The following PTPRN2 variants were observed in gnomAD, a reference collection of about 807,000 sequenced individuals.
PTPRN2 encodes the protein protein tyrosine phosphatase receptor type N2.
PTPRN2 carries 74 observed loss-of-function variants against 118.8 expected under a neutral mutation model. The ratio of observed to expected loss-of-function variants is 0.62; its 90% CI spans 0.52 to 0.76. The LOEUF is 0.76. Ranked by LOEUF, PTPRN2 falls within the 30% of genes least tolerant of loss-of-function variation. The pLI is 0.00. For synonymous variants in PTPRN2, 641 were observed against 608.0 expected, an observed-to-expected ratio of 1.05 and a Z score of -0.80; for missense variants, 1,481 against 1,394.4, an observed-to-expected ratio of 1.06 and a Z score of -0.99.
At chr7:157,812,729 C>T (rs997997461) in intron 12 of PTPRN2, among the ~76,000 whole-genome samples, 5 of 152,060 alleles carry the variant, frequency 3.3e-5, no homozygotes, top group South Asian at 2.1e-4. Context: ...TTCCATTTAA[C>T]GTATAGCCAA....
chr7:158,135,118 G>A (rs994221275), intron 8 of PTPRN2, among the ~76,000 whole-genome samples: 1 of 152,166 alleles, frequency 6.6e-6, no homozygotes, highest in Admixed American at 6.5e-5. Flanking sequence ...CTACTTGGCA[G>A]GGTTTTTTTC....
rs540582658 is a variant in PTPRN2 at position 157,764,978 on chromosome 7, C to T, written c.1789-82041G>A. Among the ~76,000 whole-genome samples the T allele has an allele frequency of 6.7e-6, 1 of 149,996 alleles. No individual in the cohort carries two copies. The highest frequency in any genetic ancestry group is 2.0e-4 in the East Asian group (1 of 4,946). The stretch of plus-strand genomic sequence containing the variant: ...ATCCACCCACCCACCCATCCATCTA[C>T]CCATCCACTTTCATCCATCCAACCA... On this transcript the variant is annotated intron_variant, in intron 12 of 22. Coordinates refer to ENST00000389418, the MANE Select transcript of PTPRN2 (RefSeq NM_002847.5). The surrounding 1 kb of genome is among the most constrained non-coding windows in gnomAD (Gnocchi z 4.5).
At chr7:158,051,930 G>A (rs1420409291) in intron 11 of PTPRN2, among the ~76,000 whole-genome samples, 1 of 152,218 alleles carries the variant, frequency 6.6e-6, no homozygotes, top group Non-Finnish European at 1.5e-5. Flanking sequence ...AGAGAGCGAG[G>A]AAGAGGGAAA....
At chr7:158,308,314 T>G (rs1801449025) in intron 3 of PTPRN2, among the ~76,000 whole-genome samples, 1 of 152,154 alleles carries the variant, frequency 6.6e-6, no homozygotes, top group Non-Finnish European at 1.5e-5. Context: ...CAAAGAGAAT[T>G]TTTTCCAACA....
chr7:158,117,161 AAAAG>A (rs1816794655), intron 9 of PTPRN2, among the ~76,000 whole-genome samples: 1 of 152,126 alleles, frequency 6.6e-6, no homozygotes, highest in South Asian at 2.1e-4. Flanking sequence ...CTTGAAGAAC[AAAAG>A]AAAGATGTAA....
intron 15 of PTPRN2, among the ~76,000 whole-genome samples, chr7:157,614,733 AG>A (rs976313706): frequency 1.3e-5 from 2 of 152,006 alleles, no homozygotes; most frequent in African/African-American, 4.8e-5. Flanking sequence ...TGAGGTCCTG[AG>A]GGGGGGCCTA....
intron 2 of PTPRN2, among the ~76,000 whole-genome samples, chr7:158,483,632 A>G (rs1159824478): frequency 6.6e-6 from 1 of 152,158 alleles, no homozygotes; most frequent in Non-Finnish European, 1.5e-5. Context: ...ATTTTCAACC[A>G]TCTTGTTTTG....
intron 12 of PTPRN2, among the ~76,000 whole-genome samples, chr7:157,851,167 C>G (rs1002163840): frequency 4.6e-5 from 7 of 152,212 alleles, no homozygotes; most frequent in Non-Finnish European, 1.0e-4. Flanking sequence ...AAAAAGGGTT[C>G]TCTAACGAGG....
chr7:157,601,406 C>A (rs1292365246), intron 16 of PTPRN2, among the ~76,000 whole-genome samples: 1 of 151,948 alleles, frequency 6.6e-6, no homozygotes, highest in African/African-American at 2.4e-5. Flanking sequence ...AAAGAAGAGG[C>A]ACCATCGATT....
intron 3 of PTPRN2, among the ~76,000 whole-genome samples, chr7:158,256,488 G>A (rs1797029652): frequency 6.6e-6 from 1 of 152,160 alleles, no homozygotes; most frequent in African/African-American, 2.4e-5. Flanking sequence ...TGGACCATTG[G>A]CAGTTTTAGA....
At chr7:158,475,507 A>G (rs1433802500) in intron 2 of PTPRN2, among the ~76,000 whole-genome samples, 2 of 152,014 alleles carry the variant, frequency 1.3e-5, no homozygotes, top group Non-Finnish European at 2.9e-5. Context: ...ATCACCAAGG[A>G]CGGGCCCACT....
At chr7:157,786,815 A>C (rs1420923798) in intron 12 of PTPRN2, among the ~76,000 whole-genome samples, 1 of 152,258 alleles carries the variant, frequency 6.6e-6, no homozygotes, top group Non-Finnish European at 1.5e-5. Context: ...TTTCATCATC[A>C]GGTGGGTGGC....
intron 12 of PTPRN2, among the ~76,000 whole-genome samples, chr7:157,730,890 T>C (rs1799858703): frequency 6.6e-6 from 1 of 152,130 alleles, no homozygotes; most frequent in Admixed American, 6.5e-5. Context: ...CCGCTTGTTC[T>C]CTCTCTCATT....
intron 1 of PTPRN2, among the ~76,000 whole-genome samples, chr7:158,573,945 A>C (rs1563448860): frequency 6.6e-6 from 1 of 152,214 alleles, no homozygotes; most frequent in Non-Finnish European, 1.5e-5. Flanking sequence ...AACTATACGT[A>C]ATCCAGAGAT....
At chr7:158,136,837 A>G in intron 7 of PTPRN2, 142 bp from the exon 8 acceptor site, 3 of 757,878 alleles carry the variant, frequency 4.0e-6, no homozygotes, top group Non-Finnish European at 6.7e-6. Context: ...GCCATAGAGT[A>G]AACCTTTTCT....
At chr7:158,172,796 C>A (rs761510120) in intron 5 of PTPRN2, among the ~76,000 whole-genome samples, 1 of 148,914 alleles carries the variant, frequency 6.7e-6, no homozygotes, top group African/African-American at 2.5e-5. Flanking sequence ...CCATCATCAT[C>A]TTCACCATCA....
chr7:158,398,619 G>C (rs1812709626), intron 2 of PTPRN2, among the ~76,000 whole-genome samples: 1 of 152,154 alleles, frequency 6.6e-6, no homozygotes, highest in Non-Finnish European at 1.5e-5. Context: ...AGTCTGGTTG[G>C]GGAAATGAGC....
At chr7:158,343,333 C>G (rs1807213053) in intron 2 of PTPRN2, among the ~76,000 whole-genome samples, 1 of 152,154 alleles carries the variant, frequency 6.6e-6, no homozygotes, top group African/African-American at 2.4e-5. Context: ...CAACGCAAAT[C>G]AAAACCACAG....
At position 157,630,151 on chromosome 7, in the gene PTPRN2, C is replaced by A. The variant is rs181154310; in HGVS notation, c.2197-8642G>T. 1.8e-4 allele frequency among the ~76,000 whole-genome samples: 28 copies of A among 152,302 alleles called. No individual in the cohort carries two copies. The East Asian group carries it at 5.2e-3, about 28-fold the overall frequency. ...GATTGTCCTGGCTCAGCACACACAG[C>A]TATGGGGGCTTCGGGAGCAGCAAAC... On this transcript the variant is annotated intron_variant, in intron 14 of 22. Transcript: ENST00000389418.
Sources: gnomAD v4.1 joint callset for allele counts (sites outside exome capture counted in the v4.1 genomes callset) on GRCh38, gnomAD v4.1.1 for gene constraint, Gnocchi (gnomAD v3.1) non-coding constraint, MANE v1.5 for transcripts, NCBI Gene and HGNC (gene_info 2026-07-23, HGNC 2026-07-21) for gene names.